Variants in CDH13 observed in about 807,000 individuals in gnomAD.
CDH13 encodes cadherin 13.
In CDH13, 24 loss-of-function variants were observed where a neutral mutation model predicts 63.8. The observed-to-expected ratio is 0.38, with a 90% CI of 0.27 to 0.53. CDH13 has a LOEUF of 0.53. Among genes scored for constraint, CDH13 ranks in the 20% least tolerant of loss-of-function variants. The pLI, the probability that CDH13 is intolerant of heterozygous loss-of-function variation, is 0.85. For missense variants in CDH13, 1,049 were observed against 903.1 expected, an observed-to-expected ratio of 1.16 and a Z score of -2.07; for synonymous variants, 503 against 355.3, an observed-to-expected ratio of 1.42 and a Z score of -4.67.
chr16:83,324,163 A>T (rs1005007111), intron 5 of CDH13, among the ~76,000 whole-genome samples: 3 of 151,676 alleles, frequency 2.0e-5, no homozygotes, highest in African/African-American at 4.8e-5. Context: ...CAGCCTCCTG[A>T]GTATCTGCGA....
At chr16:82,673,518 C>T (rs1913541527) in intron 1 of CDH13, among the ~76,000 whole-genome samples, 3 of 152,148 alleles carry the variant, frequency 2.0e-5, no homozygotes, top group Admixed American at 2.0e-4. Flanking sequence ...CAACCCCAGC[C>T]CTGGTGGAGC....
chr16:83,716,857 C>T (rs1176055181), intron 10 of CDH13: 1 of 152,116 alleles, frequency 6.6e-6, no homozygotes, highest in Non-Finnish European at 1.5e-5. Context: ...ATCAGAAACT[C>T]TTTGGAAATA....
chr16:83,160,594 G>T (rs1597441715), intron 4 of CDH13, among the ~76,000 whole-genome samples: 1 of 152,128 alleles, frequency 6.6e-6, no homozygotes, highest in Non-Finnish European at 1.5e-5. Flanking sequence ...CTTCCAAAAG[G>T]CCAGTTCCAC....
chr16:83,175,215 A>T (rs893212090), intron 4 of CDH13, among the ~76,000 whole-genome samples: 1 of 152,138 alleles, frequency 6.6e-6, no homozygotes, highest in African/African-American at 2.4e-5. Flanking sequence ...AACACATAAG[A>T]TATTGGCATG....
intron 1 of CDH13, among the ~76,000 whole-genome samples, chr16:82,828,563 G>T (rs1238059204): frequency 6.6e-6 from 1 of 152,008 alleles, no homozygotes; most frequent in East Asian, 1.9e-4. Flanking sequence ...GGAGGCAGAG[G>T]TTGCAGTGAG....
chr16:83,401,945 T>C (rs1268446145), intron 6 of CDH13, among the ~76,000 whole-genome samples: 1 of 152,200 alleles, frequency 6.6e-6, no homozygotes, highest in Non-Finnish European at 1.5e-5. Flanking sequence ...CCTCCAGAGC[T>C]TGAGGTCTTG....
At chr16:83,679,253 A>T (rs1248681742) in intron 10 of CDH13, among the ~76,000 whole-genome samples, 1 of 152,230 alleles carries the variant, frequency 6.6e-6, no homozygotes, top group Non-Finnish European at 1.5e-5. Flanking sequence ...CCTCGTTGGT[A>T]CATGGTTTCA....
At chr16:83,478,822 T>G (rs1445485247) in intron 6 of CDH13, among the ~76,000 whole-genome samples, 1 of 136,534 alleles carries the variant, frequency 7.3e-6, no homozygotes, top group Non-Finnish European at 1.5e-5. Flanking sequence ...GCCAGTAGAG[T>G]CTTTTGAAGA....
At chr16:83,419,643 C>T (rs2071655875) in intron 6 of CDH13, among the ~76,000 whole-genome samples, 2 of 152,192 alleles carry the variant, frequency 1.3e-5, no homozygotes, top group Admixed American at 1.3e-4. Context: ...ATTTACTCAA[C>T]ACCATTCTTG....
Position 82,884,454 on chromosome 16 carries a change from C to G in CDH13, c.157+25981C>G, listed in dbSNP as rs1019337900. The G allele has an allele frequency of 3.6e-4, 103 of 289,438 alleles. No homozygotes were observed. The Middle Eastern group carries it at 3.8e-3, about 11-fold the overall frequency. 17.9% of individuals were successfully genotyped at this position (289,438 alleles called of 1,614,324 possible). On this transcript the variant is annotated intron_variant, in intron 2 of 13. Coordinates refer to ENST00000567109, the MANE Select transcript of CDH13 (RefSeq NM_001257.5). Reference sequence around the variant, plus strand: ...AGATGCTTAGTTAACAGCAGCAACCCAGTGCCTGTAATTTTCAAGTCCTTG... The same window carrying G: ...AGATGCTTAGTTAACAGCAGCAACCGAGTGCCTGTAATTTTCAAGTCCTTG...
chr16:83,248,341 G>T (rs1042603737), intron 5 of CDH13, among the ~76,000 whole-genome samples: 6 of 152,132 alleles, frequency 3.9e-5, no homozygotes, highest in African/African-American at 7.2e-5. Flanking sequence ...TCAGGAGCGG[G>T]TCTATCTGTT....
intron 11 of CDH13, among the ~76,000 whole-genome samples, chr16:83,777,892 C>A (rs1028677773): frequency 6.6e-6 from 1 of 152,012 alleles, no homozygotes; most frequent in Non-Finnish European, 1.5e-5. Flanking sequence ...TAAAAGAAAG[C>A]CATAGGTTAG....
intron 4 of CDH13, among the ~76,000 whole-genome samples, chr16:83,131,587 C>T (rs746895961): frequency 1.4e-4 from 21 of 151,970 alleles, no homozygotes; most frequent in Admixed American, 5.2e-4. Flanking sequence ...TTCTTGGGCC[C>T]GATTGATTGA....
intron 7 of CDH13, among the ~76,000 whole-genome samples, chr16:83,574,705 T>C (rs1904947099): frequency 6.6e-6 from 1 of 152,188 alleles, no homozygotes; most frequent in Admixed American, 6.5e-5. Flanking sequence ...AGTGGTAGCT[T>C]CGCGAATCAC....
At chr16:83,583,575 G>T (rs1237328085) in intron 7 of CDH13, among the ~76,000 whole-genome samples, 1 of 152,184 alleles carries the variant, frequency 6.6e-6, no homozygotes, top group African/African-American at 2.4e-5. Context: ...AGTGATGGAG[G>T]GAAGGTAAGA....
chr16:83,375,503 A>G (rs1280396308), intron 6 of CDH13, among the ~76,000 whole-genome samples: 2 of 152,238 alleles, frequency 1.3e-5, no homozygotes, highest in Non-Finnish European at 2.9e-5. Context: ...GACTCTGGGA[A>G]CTTGAAGATA....
chr16:83,272,128 T>A (rs2088839897), intron 5 of CDH13, among the ~76,000 whole-genome samples: 1 of 152,196 alleles, frequency 6.6e-6, no homozygotes, highest in Admixed American at 6.5e-5. Context: ...ATGGAGTACC[T>A]CTCTCAGTCC....
At chr16:82,968,438 G>A (rs568955773) in intron 2 of CDH13, among the ~76,000 whole-genome samples, 59 of 152,324 alleles carry the variant, frequency 3.9e-4, no homozygotes, top group Middle Eastern at 3.4e-3. Flanking sequence ...TGGTAGTAGG[G>A]ATGAAGGGGG....
intron 8 of CDH13, among the ~76,000 whole-genome samples, chr16:83,613,004 C>A (rs534712009): frequency 6.6e-6 from 1 of 152,116 alleles, no homozygotes; most frequent in African/African-American, 2.4e-5. Context: ...TAAGTTCTCT[C>A]ATATATTATC....
Sources: allele counts gnomAD v4.1 joint callset (sites outside exome capture counted in the v4.1 genomes callset), GRCh38; gene constraint gnomAD v4.1.1; transcripts MANE v1.5; gene names NCBI Gene and HGNC (gene_info 2026-07-23, HGNC 2026-07-21).